Variants in CDK8 observed in about 807,000 individuals in gnomAD.
CDK8 encodes the protein cyclin-dependent kinase 8.
In CDK8, 29 loss-of-function variants were observed where a neutral mutation model predicts 71.5. That is an observed-to-expected ratio of 0.41 (90% CI 0.30 to 0.55). The LOEUF (loss-of-function observed/expected upper bound fraction) is 0.55. CDK8 is among the 20% of genes least tolerant of loss of function. CDK8 has a pLI of 0.37. For missense variants in CDK8, 288 were observed against 572.6 expected, an observed-to-expected ratio of 0.50 and a Z score of 5.07; for synonymous variants, 161 against 192.1, an observed-to-expected ratio of 0.84 and a Z score of 1.34.
chr13:26,342,842 A>C (rs1485044751), intron 2 of CDK8, among the ~76,000 whole-genome samples: 1 of 152,226 alleles, frequency 6.6e-6, no homozygotes. Flanking sequence ...TGGGTGGCTT[A>C]AACAGCAGAA....
chr13:26,339,962 G>A (rs1873170118), intron 2 of CDK8, among the ~76,000 whole-genome samples: 1 of 151,568 alleles, frequency 6.6e-6, no homozygotes, highest in Non-Finnish European at 1.5e-5. Flanking sequence ...GAATAGTGGT[G>A]AGAGCAGTTA....
chr13:26,401,214 C>T lies in CDK8; in HGVS notation c.1032-55C>T, dbSNP rs2138074819. The T allele has an allele frequency of 1.5e-6, 2 of 1,291,172 alleles. No homozygotes were observed. The highest frequency in any genetic ancestry group is 4.6e-5 in the East Asian group (2 of 43,326). The allele number at this position is 1,291,172 out of a possible 1,614,324, so 80.0% of individuals were successfully genotyped here. Reference sequence around the variant, plus strand: ...TAAAATGAGAATCTCCTAAATGAAGCATTTGGAATATTGATTAGTATACCA... The same window carrying T: ...TAAAATGAGAATCTCCTAAATGAAGTATTTGGAATATTGATTAGTATACCA... On this transcript the variant is annotated intron_variant, in intron 10 of 12. Transcript: ENST00000381527. The surrounding 1 kb of genome is among the most constrained non-coding windows in gnomAD (Gnocchi z 4.5).
intron 4 of CDK8, among the ~76,000 whole-genome samples, 169 bp from the exon 5 acceptor site, chr13:26,382,645 C>T (rs1405101066): frequency 1.3e-5 from 2 of 152,134 alleles, no homozygotes; most frequent in Non-Finnish European, 2.9e-5. Flanking sequence ...ATTTGCATAC[C>T]GCTTTGCATA....
chr13:26,356,335 T>G (rs902238882), intron 4 of CDK8, among the ~76,000 whole-genome samples: 1 of 152,216 alleles, frequency 6.6e-6, no homozygotes, highest in South Asian at 2.1e-4. Context: ...CCTCTTGCCA[T>G]TATTTAAAGT....
chr13:26,339,754 A>AT (rs66521623), intron 2 of CDK8, among the ~76,000 whole-genome samples: 12,492 of 129,242 alleles, frequency 0.097, 627 homozygotes, highest in South Asian at 0.17. Flanking sequence ...ACTTAAAAAA[A>AT]AAATATATAT....
intron 4 of CDK8, chr13:26,359,551 A>G (rs1442267814): frequency 5.8e-6 from 1 of 173,214 alleles, no homozygotes; most frequent in Non-Finnish European, 1.3e-5. Flanking sequence ...TTGATTTGGC[A>G]ATGGTATCTG....
intron 1 of CDK8, among the ~76,000 whole-genome samples, chr13:26,291,207 G>A (rs1323298907): frequency 6.6e-6 from 1 of 151,902 alleles, no homozygotes; most frequent in Non-Finnish European, 1.5e-5. Flanking sequence ...GTACAGGTTT[G>A]TAGCCTAGGA....
intron 1 of CDK8, among the ~76,000 whole-genome samples, chr13:26,322,669 T>C (rs1430894142): frequency 6.6e-6 from 1 of 152,176 alleles, no homozygotes; most frequent in African/African-American, 2.4e-5. Flanking sequence ...AATTGTATAT[T>C]GAAAATAGCA....
At position 26,254,584 on chromosome 13, in the gene CDK8, T is replaced by TCCCCCCCCCCGCCCCCCCGCCCCC; in HGVS notation, c.-54_-53insCCCCCCGCCCCCCCGCCCCCCCCC. The TCCCCCCCCCCGCCCCCCCGCCCCC allele has an allele frequency of 1.5e-6, 2 of 1,291,282 alleles. No homozygotes were observed. The highest frequency in any genetic ancestry group is 2.1e-6 in the Non-Finnish European group (2 of 938,088). 80.0% of individuals were successfully genotyped at this position (1,291,282 alleles called of 1,614,324 possible). ...GCTGCGGCTGCCCGTGCTTCCCCGGTCCCCACCCCTGCCCCCCGGCCCCCC... is the reference window on the plus strand; with the variant it reads ...GCTGCGGCTGCCCGTGCTTCCCCGGTCCCCCCCCCCGCCCCCCCGCCCCCCCCCACCCCTGCCCCCCGGCCCCCC... On this transcript the variant is annotated 5_prime_UTR_variant, in exon 1 of 13. Transcript: ENST00000381527. This position sits in a 1 kb window ranked among gnomAD's most constrained non-coding sequence, Gnocchi z 6.7.
intron 1 of CDK8, among the ~76,000 whole-genome samples, chr13:26,334,910 C>T (rs1872911725): frequency 6.6e-6 from 1 of 152,162 alleles, no homozygotes; most frequent in Non-Finnish European, 1.5e-5. Context: ...GAACCAACTT[C>T]TTTCCATCTG....
rs115439715 is a variant in CDK8, at chr13:26,356,207, T to C, written c.456+2327T>C. ...TTATCTGTAGATGATTTAAAAATAA[T>C]AATAAAGCACATTAAAAGTTAGTTG... On this transcript the variant is annotated intron_variant, in intron 4 of 12. Transcript: ENST00000381527. Among the ~76,000 whole-genome samples, 970 of 152,278 alleles carry C rather than the reference T, an allele frequency of 6.4e-3. 10 individuals are homozygous for C. Among genetic ancestry groups the C allele is most frequent in the African/African-American group, 0.021 (867 of 41,562 alleles).
At chr13:26,366,561 A>G (rs1874399229) in intron 4 of CDK8, among the ~76,000 whole-genome samples, 1 of 152,030 alleles carries the variant, frequency 6.6e-6, no homozygotes, top group South Asian at 2.1e-4. Context: ...ACCTATATCT[A>G]TTTTTTATTA....
chr13:26,275,615 C>T (rs1241822311), intron 1 of CDK8, among the ~76,000 whole-genome samples: 3 of 152,076 alleles, frequency 2.0e-5, no homozygotes, highest in Non-Finnish European at 2.9e-5. Flanking sequence ...AATCTAGTAA[C>T]CCTGTGCATA....
chr13:26,335,533 T>G (rs1872940685), intron 1 of CDK8, among the ~76,000 whole-genome samples: 1 of 152,122 alleles, frequency 6.6e-6, no homozygotes, highest in African/African-American at 2.4e-5. Context: ...CTATGCCCAC[T>G]TAGATGTCTC....
intron 4 of CDK8, among the ~76,000 whole-genome samples, chr13:26,372,288 A>G (rs1874727316): frequency 6.6e-6 from 1 of 152,194 alleles, no homozygotes; most frequent in Non-Finnish European, 1.5e-5. Context: ...TTGCAAATTG[A>G]AACACCTCAA....
chr13:26,349,979 C>A (rs1333885792), intron 3 of CDK8, among the ~76,000 whole-genome samples: 1 of 152,108 alleles, frequency 6.6e-6, no homozygotes, highest in Admixed American at 6.6e-5. Flanking sequence ...AGATAACACA[C>A]TTATTTACTA....
intron 1 of CDK8, among the ~76,000 whole-genome samples, chr13:26,300,963 G>A (rs1873799290): frequency 6.6e-6 from 1 of 152,176 alleles, no homozygotes; most frequent in African/African-American, 2.4e-5. Context: ...CTGGGATCCT[G>A]AACAAAGCTG....
chr13:26,325,521 G>A (rs1286587699), intron 1 of CDK8, among the ~76,000 whole-genome samples: 3 of 152,142 alleles, frequency 2.0e-5, no homozygotes, highest in Non-Finnish European at 4.4e-5. Context: ...GAGAGCTCAC[G>A]CCAGATGAAG....
At position 26,400,823 on chromosome 13, in the gene CDK8, A is replaced by G. The variant is rs115379069; in HGVS notation, c.1031+273A>G. Among the ~76,000 whole-genome samples the G allele has an allele frequency of 4.9e-3, 748 of 152,222 alleles. 4 individuals carry two copies. The highest frequency in any genetic ancestry group is 0.017 in the African/African-American group (722 of 41,542). On this transcript the variant is annotated intron_variant, in intron 10 of 12. Transcript: ENST00000381527. ...GTGACAGGTTGGTTATGCGTGCTGT[A>G]GCTCCTTACTGTCTGCAGTTACAGT...
Sources: allele counts gnomAD v4.1 joint callset (sites outside exome capture counted in the v4.1 genomes callset), GRCh38; gene constraint gnomAD v4.1.1; non-coding constraint Gnocchi (gnomAD v3.1); transcripts MANE v1.5; gene names NCBI Gene and HGNC (gene_info 2026-07-23, HGNC 2026-07-21).